DPP10: variants seen among roughly 807,000 people sequenced by gnomAD.
The protein encoded by DPP10 is inactive dipeptidyl peptidase 10.
In DPP10, 33 loss-of-function variants were observed where a neutral mutation model predicts 120.9. The observed-to-expected ratio is 0.27, with a 90% CI of 0.21 to 0.37. The LOEUF (loss-of-function observed/expected upper bound fraction) is 0.37, where lower values mean the gene tolerates loss of function less well. Among genes scored for constraint, DPP10 ranks in the 10% least tolerant of loss-of-function variants. The probability of loss-of-function intolerance (pLI) is 1.00; values close to 1 mark genes in which losing one functional copy is unlikely to be tolerated. For synonymous variants in DPP10, 337 were observed against 326.1 expected, an observed-to-expected ratio of 1.03 and a Z score of -0.36; for missense variants, 816 against 942.8, an observed-to-expected ratio of 0.87 and a Z score of 1.76.
At chr2:114,833,465 G>T (rs62165239) in intron 1 of DPP10, 1 of 152,034 alleles carries the variant, frequency 6.6e-6, no homozygotes, top group Admixed American at 6.6e-5. Flanking sequence ...TTAGCCATCA[G>T]ACCAAAAATA....
At chr2:115,360,590 A>C (rs1245756485) in intron 3 of DPP10, among the ~76,000 whole-genome samples, 2 of 151,864 alleles carry the variant, frequency 1.3e-5, no homozygotes, top group Non-Finnish European at 2.9e-5. Flanking sequence ...AGTTGGGGGG[A>C]ATCAGGGGAT....
At chr2:115,209,714 A>G (rs1158822059) in intron 1 of DPP10, among the ~76,000 whole-genome samples, 1 of 152,196 alleles carries the variant, frequency 6.6e-6, no homozygotes, top group Admixed American at 6.5e-5. Flanking sequence ...AAAATATTTA[A>G]CTCGATAACT....
At chr2:114,942,328 CAT>C (rs1303204836) in intron 1 of DPP10, among the ~76,000 whole-genome samples, 31 of 109,424 alleles carry the variant, frequency 2.8e-4, no homozygotes, top group African/African-American at 1.1e-3. Flanking sequence ...TATACACACA[CAT>C]ATATATATAC....
chr2:114,571,012 G>A (rs1457663267), intron 1 of DPP10, among the ~76,000 whole-genome samples: 1 of 151,924 alleles, frequency 6.6e-6, no homozygotes, highest in African/African-American at 2.4e-5. Context: ...CGGCTTCCAG[G>A]GACTCATCTA....
At chr2:115,522,041 C>A (rs2077842546) in intron 4 of DPP10, among the ~76,000 whole-genome samples, 1 of 151,962 alleles carries the variant, frequency 6.6e-6, no homozygotes, top group African/African-American at 2.4e-5. Context: ...CAGAATCTGG[C>A]CCCCAAGTAT....
At chr2:115,408,229 C>G (rs1197488212) in intron 3 of DPP10, among the ~76,000 whole-genome samples, 1 of 152,066 alleles carries the variant, frequency 6.6e-6, no homozygotes, top group Non-Finnish European at 1.5e-5. Context: ...GGAACAGGAA[C>G]TTTCCCAGGA....
rs148952605 is a variant in DPP10, at chr2:115,195,132, T to C, written c.61-114107T>C. Reference sequence around the variant, plus strand: ...TGTTATTAGAAGATGAGAGGGGCTCTGTAATTTGAAATCTATTTTCTACTC... The same window carrying C: ...TGTTATTAGAAGATGAGAGGGGCTCCGTAATTTGAAATCTATTTTCTACTC... On this transcript the variant is annotated intron_variant, in intron 1 of 25. Coordinates refer to ENST00000410059, the MANE Select transcript of DPP10 (RefSeq NM_020868.6). Among the ~76,000 whole-genome samples the C allele has an allele frequency of 3.3e-3, 507 of 152,338 alleles. 4 individuals are homozygous for C. Among genetic ancestry groups the C allele is most frequent in the African/African-American group, 0.012 (500 of 41,568 alleles).
intron 1 of DPP10, among the ~76,000 whole-genome samples, chr2:114,564,661 G>A (rs1304711712): frequency 1.3e-5 from 2 of 151,916 alleles, no homozygotes; most frequent in Non-Finnish European, 2.9e-5. Flanking sequence ...GTAGACATAA[G>A]GGAAAGGAAA....
chr2:114,527,819 A>G (rs1242175103), intron 1 of DPP10, among the ~76,000 whole-genome samples: 3 of 152,176 alleles, frequency 2.0e-5, no homozygotes, highest in Non-Finnish European at 4.4e-5. Flanking sequence ...CCTGTACAGC[A>G]TGTTACTGTA....
At chr2:114,448,110 T>C (rs1023062894) in intron 1 of DPP10, among the ~76,000 whole-genome samples, 1 of 152,172 alleles carries the variant, frequency 6.6e-6, no homozygotes, top group Non-Finnish European at 1.5e-5. Context: ...CATTATAGTT[T>C]TTTTTCTTTT....
intron 4 of DPP10, among the ~76,000 whole-genome samples, chr2:115,518,298 C>A (rs969712423): frequency 7.2e-5 from 11 of 152,164 alleles, no homozygotes; most frequent in Admixed American, 2.6e-4. Flanking sequence ...TATATCAAAT[C>A]TGGCACAATT....
chr2:114,643,189 C>G (rs1695842633), intron 1 of DPP10, among the ~76,000 whole-genome samples: 1 of 151,892 alleles, frequency 6.6e-6, no homozygotes, highest in Admixed American at 6.5e-5. Flanking sequence ...GTGTACCAGT[C>G]ATATGGCTAT....
chr2:115,596,707 A>T (rs2083010701), intron 5 of DPP10, among the ~76,000 whole-genome samples: 1 of 152,190 alleles, frequency 6.6e-6, no homozygotes, highest in Admixed American at 6.6e-5. Context: ...ATATTGTATC[A>T]TCATCTGCTC....
chr2:115,379,714 A>G (rs553386309), intron 3 of DPP10, among the ~76,000 whole-genome samples: 34 of 151,086 alleles, frequency 2.3e-4, no homozygotes, highest in African/African-American at 8.0e-4. Context: ...CCCTCTACAC[A>G]CTGCTTTGAA....
chr2:114,646,152 T>G (rs1396334803), intron 1 of DPP10, among the ~76,000 whole-genome samples: 2 of 136,790 alleles, frequency 1.5e-5, no homozygotes, highest in Admixed American at 1.5e-4. Flanking sequence ...AGAGCAAGCC[T>G]CAGTCTCAAA....
intron 1 of DPP10, among the ~76,000 whole-genome samples, chr2:114,815,896 T>C (rs1003344261): frequency 1.4e-5 from 2 of 138,972 alleles, no homozygotes; most frequent in Non-Finnish European, 3.1e-5. Context: ...TTTTTTTTTT[T>C]TCCACTTCTA....
At position 115,297,903 on chromosome 2, in the gene DPP10, C is replaced by T. The variant is rs115766273; in HGVS notation, c.61-11336C>T. 2.4e-3 allele frequency among the ~76,000 whole-genome samples: 366 copies of T among 152,128 alleles called. 1 individual carries two copies. Among genetic ancestry groups the T allele is most frequent in the African/African-American group, 8.5e-3 (352 of 41,548 alleles). On this transcript the variant is annotated intron_variant, in intron 1 of 25. Coordinates refer to ENST00000410059, the MANE Select transcript of DPP10 (RefSeq NM_020868.6). ...ATTGTTCCAGTCTGTAGATCACTGA[C>T]ATTCTTTTAGTGCTCTTTCAACCAC...
At chr2:115,109,697 G>A (rs2049121447) in intron 1 of DPP10, among the ~76,000 whole-genome samples, 1 of 152,112 alleles carries the variant, frequency 6.6e-6, no homozygotes, top group Non-Finnish European at 1.5e-5. Flanking sequence ...GAATACAGTG[G>A]CTCTCAATTG....
intron 1 of DPP10, among the ~76,000 whole-genome samples, chr2:114,609,569 A>G (rs891281266): frequency 2.0e-5 from 3 of 152,276 alleles, no homozygotes; most frequent in African/African-American, 4.8e-5. Context: ...TACCTAGTCC[A>G]TTACTGTTTT....
Sources: allele counts gnomAD v4.1 joint callset (sites outside exome capture counted in the v4.1 genomes callset), GRCh38; gene constraint gnomAD v4.1.1; transcripts MANE v1.5; gene names NCBI Gene and HGNC (gene_info 2026-07-23, HGNC 2026-07-21).